Variants in BABAM1 observed in about 807,000 individuals in gnomAD.
The protein encoded by BABAM1 is BRISC and BRCA1 A complex member 1.
In BABAM1, 14 loss-of-function variants were observed where a neutral mutation model predicts 34.4. The observed-to-expected ratio is 0.41, with a 90% confidence interval of 0.27 to 0.64. The LOEUF (loss-of-function observed/expected upper bound fraction) is 0.64. Ranked by LOEUF, BABAM1 falls within the 30% of genes least tolerant of loss-of-function variation. The pLI is 0.34. For missense variants in BABAM1, 393 were observed against 434.0 expected, an observed-to-expected ratio of 0.91 and a Z score of 0.84; for synonymous variants, 169 against 165.8, an observed-to-expected ratio of 1.02 and a Z score of -0.15.
intron 8 of BABAM1, 61 bp downstream of exon 8, chr19:17,276,970 C>A: frequency 2.1e-6 from 3 of 1,463,016 alleles, no homozygotes; most frequent in Non-Finnish European, 1.9e-6. Context: ...TTGGAACACA[C>A]CTGCACTGGG....
rs2145608590 is a variant in BABAM1, at chr19:17,268,856, A to G, written c.50A>G (p.Glu17Gly). ...CCCACTGAAGAGGAGGAGGAGGAAG[A>G]GGAGCACTCGGCAGAGCCTCGGCCC... is the stretch of plus-strand genomic sequence containing the variant. Reference protein sequence around the residue: ...SSPTEEEEEEEEHSAEPRPRT... With the variant: ...SSPTEEEEEEGEHSAEPRPRT... Residue 17 changes from glutamate (E) to glycine (G), a missense_variant, in exon 2 of 9, where the codon GAG (glutamate) becomes GGG (glycine). Transcript: ENST00000598188. 2 of 1,609,308 alleles carry G rather than the reference A, an allele frequency of 1.2e-6. No individual in the cohort carries two copies. Among genetic ancestry groups the G allele is most frequent in the East Asian group, 4.5e-5 (2 of 44,728 alleles).
chr19:17,274,504 G>T (rs2073885302), intron 5 of BABAM1: 1 of 335,338 alleles, frequency 3.0e-6, no homozygotes, highest in Non-Finnish European at 5.6e-6. Context: ...GGAGGCGGAG[G>T]TTGCAGTGAG....
At chr19:17,273,555 G>GTTTTTTTTTT (rs1555716572) in intron 3 of BABAM1, among the ~76,000 whole-genome samples, 3 of 13,228 alleles carry the variant, frequency 2.3e-4, no homozygotes, top group African/African-American at 9.1e-4. Context: ...GTTTTTTTTT[G>GTTTTTTTTTT]TTTGTTTTGT....
chr19:17,269,739 T>C (rs2073816708), intron 2 of BABAM1, among the ~76,000 whole-genome samples: 1 of 151,564 alleles, frequency 6.6e-6, no homozygotes, highest in African/African-American at 2.4e-5. Flanking sequence ...TTTTTTTTTT[T>C]GTTTTTTTGA....
At chr19:17,269,660 C>T (rs2073815393) in intron 2 of BABAM1, among the ~76,000 whole-genome samples, 1 of 152,012 alleles carries the variant, frequency 6.6e-6, no homozygotes, top group South Asian at 2.1e-4. Context: ...CCTTTCTTGC[C>T]TTTTCTAGCC....
rs1434535112 is a variant in BABAM1, at chr19:17,276,613, G to T, written c.688G>T (p.Glu230Ter). 6.2e-7 allele frequency: 1 copy of T among 1,604,714 alleles called. No homozygotes were observed. The highest frequency in any genetic ancestry group is 2.2e-5 in the East Asian group (1 of 44,518). Reference protein sequence around the residue: ...PPCQPQFSLTEPMKKMFQCPY... With the variant: ...PPCQPQFSLT The stretch of plus-strand genomic sequence containing the variant: ...TTGCCAGCCCCAGTTCTCCTTGACG[G>T]AGCCCATGAAGGTGGGTGAGGCCTG... Residue 230 changes from glutamate (E) to a stop codon, truncating the protein, a stop_gained, in exon 7 of 9, where the codon GAG becomes TAG. Transcript: ENST00000598188. LOFTEE classifies it high-confidence loss of function.
chr19:17,278,911 G>A lies in BABAM1; in HGVS notation c.853G>A (p.Ala285Thr). 6.2e-7 allele frequency: 1 copy of A among 1,613,496 alleles called. No homozygotes were observed. Among genetic ancestry groups the A allele is most frequent in the African/African-American group, 1.3e-5 (1 of 75,064 alleles). Residue 285 changes from alanine to threonine, a missense_variant, in exon 9 of 9, where the codon GCT (alanine) becomes ACT (threonine). Ala to Thr is a moderately conservative substitution (Grantham distance 58, BLOSUM62 0). Transcript: ENST00000598188. ...CAGCTACAAGTATGAGGTGGCACTGGCTGGGCCAGCCCTGGAGTTGCACAA... is the reference window on the plus strand; with the variant it reads ...CAGCTACAAGTATGAGGTGGCACTGACTGGGCCAGCCCTGGAGTTGCACAA... ...GTSYKYEVAL[A>T]GPALELHNCM...
In BABAM1 at chr19:17,273,965, C is replaced by T; in HGVS notation, c.406C>T (p.His136Tyr). ...KMIEMFVRTK[H>Y]KIDKSHEFAL... ...GATTGAGATGTTCGTGCGGACAAAA[C>T]ACAAGATCGACAAAAGCCACGAGTT... Residue 136 changes from histidine to tyrosine, a missense_variant, in exon 4 of 9, where the codon CAC (histidine) becomes TAC (tyrosine). His to Tyr is a moderately conservative substitution (Grantham distance 83). Transcript: ENST00000598188. 1 of 1,613,948 alleles carries T rather than the reference C, an allele frequency of 6.2e-7. No individual in the cohort carries two copies. The highest frequency in any genetic ancestry group is 8.5e-7 in the Non-Finnish European group (1 of 1,179,882).
In BABAM1 at chr19:17,273,368, A is replaced by G. The variant is rs1040754207; in HGVS notation, c.345-536A>G. On this transcript the variant is annotated intron_variant, in intron 3 of 8. Coordinates refer to ENST00000598188, the MANE Select transcript of BABAM1 (RefSeq NM_014173.4). ...CCCATGGCTGAGCAAAGTTCCTGCAATGACTCTAGGGGAAACTTGAGCCCC... is the reference window on the plus strand; with the variant it reads ...CCCATGGCTGAGCAAAGTTCCTGCAGTGACTCTAGGGGAAACTTGAGCCCC... 4.6e-5 allele frequency among the ~76,000 whole-genome samples: 7 copies of G among 152,090 alleles called. No homozygotes were observed. The East Asian group carries it at 9.6e-4, about 21-fold the overall frequency.
intron 1 of BABAM1, 33 bp downstream of exon 1, chr19:17,267,560 AG>A (rs1276993996): frequency 6.6e-6 from 1 of 152,144 alleles, no homozygotes; most frequent in Non-Finnish European, 1.5e-5. Context: ...GCCCGTTCCT[AG>A]GGGCCCAGCT....
intron 3 of BABAM1, among the ~76,000 whole-genome samples, chr19:17,273,559 GTT>G (rs1252906493): frequency 8.1e-5 from 2 of 24,614 alleles, no homozygotes. Context: ...TTTTTTGTTT[GTT>G]TTGTTTTTTT....
rs2145629506 is a variant in BABAM1 at position 17,279,185 on chromosome 19, AG to A, written c.*140del. The A allele has an allele frequency of 3.6e-6, 3 of 835,776 alleles. No individual in the cohort carries two copies. Among genetic ancestry groups the A allele is most frequent in the East Asian group, 5.5e-5 (2 of 36,592 alleles). 51.8% of individuals were successfully genotyped at this position (835,776 alleles called of 1,614,324 possible). On this transcript the variant is annotated 3_prime_UTR_variant, in exon 9 of 9. Coordinates refer to ENST00000598188, the MANE Select transcript of BABAM1 (RefSeq NM_014173.4). ...GTAGGGTACCTTGCAGGGTCCTAGG[AG>A]GGAAACCCAGGATTCCAGGAGGGAT...
intron 8 of BABAM1, 26 bp from the exon 9 acceptor site, chr19:17,278,819 T>G: frequency 6.3e-7 from 1 of 1,597,814 alleles, no homozygotes; most frequent in East Asian, 2.2e-5. Context: ...TGAACAGCCC[T>G]TCACTGACCC....
chr19:17,276,298 G>A, intron 6 of BABAM1, 197 bp from the exon 7 acceptor site: 1 of 733,244 alleles, frequency 1.4e-6, no homozygotes, highest in South Asian at 1.8e-5. Flanking sequence ...TCTCACCATT[G>A]CACTTAGAGG....
In BABAM1 at chr19:17,268,790, C is replaced by G; in HGVS notation, c.-13-4C>G. ...CTGGCTTCCCCTGTCCGTGTTCCAT[C>G]TAGCCACACAGGAGCCATGGAAGTG... On this transcript the variant is annotated splice_polypyrimidine_tract_variant and splice_region_variant and intron_variant, in intron 1 of 8. Transcript: ENST00000598188. 6.3e-7 allele frequency: 1 copy of G among 1,585,096 alleles called. No homozygotes were observed. Among genetic ancestry groups the G allele is most frequent in the Non-Finnish European group, 8.6e-7 (1 of 1,164,258 alleles).
chr19:17,276,780 T>C, intron 7 of BABAM1, 43 bp from the exon 8 acceptor site: 1 of 1,573,542 alleles, frequency 6.4e-7, no homozygotes, highest in South Asian at 1.2e-5. Context: ...GGGCACGGGG[T>C]GACCCAAGCC....
Position 17,274,070 on chromosome 19 carries a change from C to T in BABAM1, c.466-37C>T, listed in dbSNP as rs200728762. ...GGGTGCCCTGGGGTCCCCTGGGGCCCGGGGAGCATCGCACTGAGGCCTCTG... is the reference window on the plus strand; with the variant it reads ...GGGTGCCCTGGGGTCCCCTGGGGCCTGGGGAGCATCGCACTGAGGCCTCTG... On this transcript the variant is annotated intron_variant, in intron 4 of 8. Transcript: ENST00000598188. 171 of 1,613,706 alleles carry T rather than the reference C, an allele frequency of 1.1e-4. 1 individual carries two copies. The Admixed American group carries it at 2.4e-3, about 23-fold the overall frequency.
intron 2 of BABAM1, among the ~76,000 whole-genome samples, 189 bp from the exon 3 acceptor site, chr19:17,271,408 T>C (rs758060099): frequency 7.2e-5 from 11 of 152,222 alleles, no homozygotes. Flanking sequence ...TTTATTTACT[T>C]ATCTACTTGG....
At chr19:17,276,350 T>C (rs2073907655) in intron 6 of BABAM1, 145 bp from the exon 7 acceptor site, 1 of 1,277,116 alleles carries the variant, frequency 7.8e-7, no homozygotes, top group Non-Finnish European at 1.1e-6. Context: ...GAACCGCTTA[T>C]GGGATGCCTC....
Sources: allele counts gnomAD v4.1 joint callset (sites outside exome capture counted in the v4.1 genomes callset), GRCh38; gene constraint gnomAD v4.1.1; transcripts MANE v1.5; gene names NCBI Gene and HGNC (gene_info 2026-07-23, HGNC 2026-07-21).